LINC00305: variants seen among roughly 807,000 people sequenced by gnomAD.
LINC00305 encodes the protein long intergenic non-protein coding RNA 305.
intron 1 of LINC00305, among the ~76,000 whole-genome samples, chr18:64,110,875 G>A (rs140025350): frequency 2.9e-4 from 44 of 152,322 alleles, no homozygotes; most frequent in South Asian, 1.9e-3. Flanking sequence ...ACACTTTGCT[G>A]TGGATGGACG....
At chr18:64,133,066 T>C (rs1311952742) in intron 1 of LINC00305, among the ~76,000 whole-genome samples, 1 of 152,192 alleles carries the variant, frequency 6.6e-6, no homozygotes, top group Middle Eastern at 3.2e-3. Flanking sequence ...GTTGTCACTG[T>C]TGCCAATTTT....
chr18:64,128,437 C>T (rs2051395135), intron 1 of LINC00305, among the ~76,000 whole-genome samples: 1 of 152,074 alleles, frequency 6.6e-6, no homozygotes, highest in Admixed American at 6.6e-5. Context: ...CCTTTACCTA[C>T]TGCAAGATGT....
At chr18:64,106,901 C>T (rs1321646033) in intron 1 of LINC00305, among the ~76,000 whole-genome samples, 1 of 152,168 alleles carries the variant, frequency 6.6e-6, no homozygotes, top group African/African-American at 2.4e-5. Context: ...GAAATGAAGG[C>T]TCCTGGTTAC....
intron 3 of LINC00305, among the ~76,000 whole-genome samples, chr18:64,095,021 C>T (rs2051239952): frequency 6.6e-6 from 1 of 152,108 alleles, no homozygotes; most frequent in African/African-American, 2.4e-5. Flanking sequence ...AGAGAAGAGA[C>T]TGAACAGAAT....
chr18:64,128,037 T>C (rs1251473554), intron 1 of LINC00305, among the ~76,000 whole-genome samples: 3 of 152,110 alleles, frequency 2.0e-5, no homozygotes, highest in African/African-American at 7.2e-5. Context: ...TGGGTTTTTT[T>C]TCTTTTTTAA....
At chr18:64,093,635 A>G (rs1195848173) in intron 3 of LINC00305, among the ~76,000 whole-genome samples, 1 of 152,194 alleles carries the variant, frequency 6.6e-6, no homozygotes, top group African/African-American at 2.4e-5. Context: ...TACCCAGCCA[A>G]TCCTACCCTG....
chr18:64,098,231 G>A (rs1056609736), intron 2 of LINC00305, among the ~76,000 whole-genome samples: 14 of 152,104 alleles, frequency 9.2e-5, no homozygotes, highest in East Asian at 1.9e-4. Context: ...TAGTGCCTTC[G>A]TAAGCGATTC....
chr18:64,105,026 T>C (rs2051284071), intron 1 of LINC00305, among the ~76,000 whole-genome samples: 1 of 150,830 alleles, frequency 6.6e-6, no homozygotes, highest in African/African-American at 2.4e-5. Flanking sequence ...ACCCCCCAGC[T>C]CCCCTCTCTT....
At chr18:64,101,266 G>A (rs572700062) in intron 1 of LINC00305, among the ~76,000 whole-genome samples, 1 of 152,288 alleles carries the variant, frequency 6.6e-6, no homozygotes, top group Admixed American at 6.5e-5. Flanking sequence ...CCACCTTAGG[G>A]TAAAGATAAC....
chr18:64,138,846 T>C (rs7234317), intron 1 of LINC00305, among the ~76,000 whole-genome samples: 85,854 of 152,002 alleles, frequency 0.56, 25,858 homozygotes, highest in East Asian at 0.81. Flanking sequence ...TATTGTTTTT[T>C]GAAGATAATG....
At chr18:64,091,283 C>T (rs191456208) in intron 3 of LINC00305, among the ~76,000 whole-genome samples, 1 of 152,306 alleles carries the variant, frequency 6.6e-6, no homozygotes, top group African/African-American at 2.4e-5. Flanking sequence ...CTTTGGATCT[C>T]TCTAAACTCC....
intron 3 of LINC00305, chr18:64,080,537 G>A (rs990363446): frequency 4.3e-6 from 1 of 230,828 alleles, no homozygotes; most frequent in African/African-American, 2.3e-5. Context: ...TCTACTTGCA[G>A]GCAGTGATTC....
intron 1 of LINC00305, among the ~76,000 whole-genome samples, chr18:64,142,049 G>C (rs1442807589): frequency 6.6e-6 from 1 of 152,190 alleles, no homozygotes; most frequent in African/African-American, 2.4e-5. Flanking sequence ...GTAGGAACTA[G>C]CATAAGAAAT....
intron 1 of LINC00305, among the ~76,000 whole-genome samples, chr18:64,136,456 G>A (rs1340641144): frequency 1.3e-5 from 2 of 152,166 alleles, no homozygotes; most frequent in Non-Finnish European, 2.9e-5. Flanking sequence ...TGAGAGTGGA[G>A]AGAAGGGAGA....
At chr18:64,105,916 A>T (rs2051288400) in intron 1 of LINC00305, among the ~76,000 whole-genome samples, 1 of 152,196 alleles carries the variant, frequency 6.6e-6, no homozygotes, top group African/African-American at 2.4e-5. Flanking sequence ...AAATGGAGAG[A>T]TATAATTAGA....
chr18:64,119,781 G>A (rs1387247243), intron 1 of LINC00305, among the ~76,000 whole-genome samples: 1 of 152,024 alleles, frequency 6.6e-6, no homozygotes, highest in Non-Finnish European at 1.5e-5. Flanking sequence ...GCAAGAAACC[G>A]AAAATCCGGA....
At chr18:64,113,289 A>G (rs2051323109) in intron 1 of LINC00305, among the ~76,000 whole-genome samples, 1 of 152,268 alleles carries the variant, frequency 6.6e-6, no homozygotes. Context: ...ATTTAAAATA[A>G]AAACCTAGCA....
At chr18:64,097,496 A>C (rs1295028872) in intron 3 of LINC00305, among the ~76,000 whole-genome samples, 1 of 152,058 alleles carries the variant, frequency 6.6e-6, no homozygotes, top group African/African-American at 2.4e-5. Context: ...TGTAATTGCT[A>C]TGTTTCCAGT....
chr18:64,134,209 T>C (rs1323531065), intron 1 of LINC00305, among the ~76,000 whole-genome samples: 1 of 152,138 alleles, frequency 6.6e-6, no homozygotes, highest in Non-Finnish European at 1.5e-5. Flanking sequence ...AGGGCATTCA[T>C]ATATGGAAAC....
Sources: gnomAD v4.1 joint callset for allele counts (sites outside exome capture counted in the v4.1 genomes callset) on GRCh38, gnomAD v4.1.1 for gene constraint, MANE v1.5 for transcripts, NCBI Gene and HGNC (gene_info 2026-07-23, HGNC 2026-07-21) for gene names.